JADE1: variants seen among roughly 807,000 people sequenced by gnomAD.
The protein encoded by JADE1 is protein Jade-1.
In JADE1, 14 loss-of-function variants were observed where a neutral mutation model predicts 81.8. The ratio of observed to expected loss-of-function variants is 0.17; its 90% confidence interval spans 0.11 to 0.27. The LOEUF (loss-of-function observed/expected upper bound fraction) is 0.27. Among genes scored for constraint, JADE1 ranks in the 10% least tolerant of loss-of-function variants. The pLI is 1.00. For missense variants in JADE1, 690 were observed against 1,047.9 expected, an observed-to-expected ratio of 0.66 and a Z score of 4.71; for synonymous variants, 353 against 391.9, an observed-to-expected ratio of 0.90 and a Z score of 1.17.
At chr4:128,822,217 A>G (rs146152158) in intron 1 of JADE1, among the ~76,000 whole-genome samples, 40 of 152,212 alleles carry the variant, frequency 2.6e-4, no homozygotes, top group Admixed American at 7.2e-4. Flanking sequence ...AATCTTTACT[A>G]CTGGCCGGGT....
intron 1 of JADE1, among the ~76,000 whole-genome samples, chr4:128,831,178 G>A (rs1408353597): frequency 6.6e-6 from 1 of 152,172 alleles, no homozygotes; most frequent in South Asian, 2.1e-4. Flanking sequence ...CCTCTGTGGG[G>A]TTAGAGATGG....
chr4:128,824,871 T>G (rs79512051), intron 1 of JADE1, among the ~76,000 whole-genome samples: 3,642 of 152,216 alleles, frequency 0.024, 116 homozygotes, highest in African/African-American at 0.074. Context: ...AATCACTAGG[T>G]TGTAATCCTT....
At chr4:128,836,200 C>A (rs1288759078) in intron 2 of JADE1, among the ~76,000 whole-genome samples, 1 of 152,120 alleles carries the variant, frequency 6.6e-6, no homozygotes, top group Non-Finnish European at 1.5e-5. Context: ...TGAACAACTC[C>A]CCCTACCCTG....
chr4:128,863,646 G>A, intron 9 of JADE1: 1 of 985,416 alleles, frequency 1.0e-6, no homozygotes, highest in Non-Finnish European at 1.2e-6. Context: ...AGTTTTGTGA[G>A]GCTTTTGTGC....
intron 8 of JADE1, among the ~76,000 whole-genome samples, chr4:128,858,155 C>A (rs772839633): frequency 6.8e-4 from 104 of 152,248 alleles, no homozygotes; most frequent in Middle Eastern, 3.4e-3. Context: ...ATGTTGCCTG[C>A]CTGCTTTTGC....
chr4:128,836,462 G>A (rs1001984076), intron 2 of JADE1, among the ~76,000 whole-genome samples: 2 of 151,938 alleles, frequency 1.3e-5, no homozygotes, highest in East Asian at 1.9e-4. Context: ...CTTCAACTTC[G>A]TCTTCATGTT....
At chr4:128,825,155 T>G (rs1028127428) in intron 1 of JADE1, among the ~76,000 whole-genome samples, 10 of 152,192 alleles carry the variant, frequency 6.6e-5, no homozygotes, top group African/African-American at 2.4e-4. Context: ...TTCTCCTGCC[T>G]TAGCCTCTCA....
rs753300049 is a variant in JADE1 at position 128,873,990 on chromosome 4, T to C, written c.*1728T>C. 1.3e-5 allele frequency: 2 copies of C among 152,662 alleles called. No homozygotes were observed. Among genetic ancestry groups the C allele is most frequent in the Admixed American group, 1.3e-4 (2 of 15,286 alleles). 9.5% of individuals were successfully genotyped at this position (152,662 alleles called of 1,614,324 possible). ...AAGTCTTAACTTTTCAAGGACATTT[T>C]AGTAGCTAATTCAGGGGAGGGGGAA... is the stretch of plus-strand genomic sequence containing the variant. On this transcript the variant is annotated 3_prime_UTR_variant, in exon 11 of 11. Coordinates refer to ENST00000226319, the MANE Select transcript of JADE1 (RefSeq NM_199320.4).
intron 9 of JADE1, 40 bp from the exon 10 acceptor site, chr4:128,867,816 C>G (rs752427181): frequency 7.6e-7 from 1 of 1,321,322 alleles, no homozygotes; most frequent in Non-Finnish European, 1.1e-6. Context: ...TACTGTTATA[C>G]TGTATTGCTT....
chr4:128,871,208 C>A lies in JADE1; in HGVS notation c.1622-147C>A. Reference sequence around the variant, plus strand: ...GCAGGTCATCTCTTCACTATAAAAACCAAATTTGTACAAACTTGGTGGTGT... The same window carrying A: ...GCAGGTCATCTCTTCACTATAAAAAACAAATTTGTACAAACTTGGTGGTGT... On this transcript the variant is annotated intron_variant, in intron 10 of 10. Transcript: ENST00000226319. This position sits in a 1 kb window ranked among gnomAD's most constrained non-coding sequence, Gnocchi z 4.1. 6.5e-6 allele frequency: 5 copies of A among 771,960 alleles called. No homozygotes were observed. Among genetic ancestry groups the A allele is most frequent in the Non-Finnish European group, 1.0e-5 (5 of 487,708 alleles). 47.8% of individuals were successfully genotyped at this position (771,960 alleles called of 1,614,324 possible).
At chr4:128,843,091 C>A in intron 3 of JADE1, 53 bp downstream of exon 3, 2 of 1,425,118 alleles carry the variant, frequency 1.4e-6, no homozygotes, top group Non-Finnish European at 2.0e-6. Context: ...ATCCCATATG[C>A]CTAGTTGAGT....
At chr4:128,823,428 C>A (rs920995157) in intron 1 of JADE1, among the ~76,000 whole-genome samples, 1 of 152,130 alleles carries the variant, frequency 6.6e-6, no homozygotes, top group African/African-American at 2.4e-5. Flanking sequence ...TATTATAGTA[C>A]ATGGGCTTTA....
At position 128,869,721 on chromosome 4, in the gene JADE1, A is replaced by G. The variant is rs142672473; in HGVS notation, c.1622-1634A>G. Reference sequence around the variant, plus strand: ...TAGATCTGCATTCAGAAGTCCTACTATTTCAGAAAAGGAAAACAAATCTTC... The same window carrying G: ...TAGATCTGCATTCAGAAGTCCTACTGTTTCAGAAAAGGAAAACAAATCTTC... On this transcript the variant is annotated intron_variant, in intron 10 of 10. Transcript: ENST00000226319. Among the ~76,000 whole-genome samples, 231 of 151,962 alleles carry G rather than the reference A, an allele frequency of 1.5e-3. 2 individuals carry two copies. The highest frequency in any genetic ancestry group is 0.013 in the East Asian group (68 of 5,152).
Position 128,849,086 on chromosome 4 carries a change from G to A in JADE1, c.403G>A (p.Ala135Thr). Residue 135 changes from alanine (A) to threonine (T), a missense_variant, in exon 5 of 11, where the codon GCT becomes ACT. By Grantham distance (58) the Ala-to-Thr change is moderately conservative. This residue lies in a region of JADE1 where 98 missense variants were observed against 161.3 expected (regional missense o/e 0.61). Coordinates refer to ENST00000226319, the MANE Select transcript of JADE1 (RefSeq NM_199320.4). The part of the protein sequence containing the change: ...ELGYVDIRTL[A>T]DSVCRYDLND... ...GGGCTATGTGGACATCCGGACGCTG[G>A]CTGACAGCGTGTGTCGCTATGACCT... 1 of 1,614,048 alleles carries A rather than the reference G, an allele frequency of 6.2e-7. No homozygotes were observed. Among genetic ancestry groups the A allele is most frequent in the Non-Finnish European group, 8.5e-7 (1 of 1,179,958 alleles).
chr4:128,837,423 T>C (rs1282887088), intron 2 of JADE1, among the ~76,000 whole-genome samples: 4 of 152,190 alleles, frequency 2.6e-5, no homozygotes, highest in Non-Finnish European at 4.4e-5. Context: ...TGAATGTATG[T>C]ATGATGCCTT....
Position 128,871,209 on chromosome 4 carries a change from C to A in JADE1, c.1622-146C>A. 1 of 782,554 alleles carries A rather than the reference C, an allele frequency of 1.3e-6. No homozygotes were observed. The highest frequency in any genetic ancestry group is 2.0e-6 in the Non-Finnish European group (1 of 498,068). The allele number at this position is 782,554 out of a possible 1,614,324, so 48.5% of individuals were successfully genotyped here. On this transcript the variant is annotated intron_variant, in intron 10 of 10. Transcript: ENST00000226319. The surrounding 1 kb of genome is among the most constrained non-coding windows in gnomAD (Gnocchi z 4.1). The stretch of plus-strand genomic sequence containing the variant: ...CAGGTCATCTCTTCACTATAAAAAC[C>A]AAATTTGTACAAACTTGGTGGTGTA...
intron 7 of JADE1, among the ~76,000 whole-genome samples, chr4:128,856,976 A>G (rs1452597176): frequency 6.6e-6 from 1 of 152,184 alleles, no homozygotes; most frequent in Non-Finnish European, 1.5e-5. Flanking sequence ...TTGACAACCT[A>G]TTTGAATCGA....
At chr4:128,826,133 A>T (rs1414793498) in intron 1 of JADE1, among the ~76,000 whole-genome samples, 2 of 152,028 alleles carry the variant, frequency 1.3e-5, no homozygotes, top group Non-Finnish European at 2.9e-5. Context: ...GCAAGTGGAC[A>T]CTCCAGGCTC....
chr4:128,843,140 C>T (rs1376439977), intron 3 of JADE1, 102 bp downstream of exon 3: 9 of 879,462 alleles, frequency 1.0e-5, no homozygotes, highest in Non-Finnish European at 1.6e-5. Flanking sequence ...TTATTCAAAT[C>T]CTTGTGCTCC....
Sources: allele counts gnomAD v4.1 joint callset (sites outside exome capture counted in the v4.1 genomes callset), GRCh38; gene constraint gnomAD v4.1.1; regional missense constraint gnomAD v4.1.1; non-coding constraint Gnocchi (gnomAD v3.1); transcripts MANE v1.5; gene names NCBI Gene and HGNC (gene_info 2026-07-23, HGNC 2026-07-21).